Variants in FBF1 observed in about 807,000 individuals in gnomAD.
The protein encoded by FBF1 is Fas binding factor 1, also known as fas-binding factor 1.
A neutral mutation model predicts 147.2 loss-of-function variants in FBF1; 119 were observed. The observed-to-expected ratio is 0.81, with a 90% confidence interval of 0.70 to 0.94. The LOEUF (loss-of-function observed/expected upper bound fraction) is 0.94. FBF1 is among the 40% of genes least tolerant of loss of function. The pLI is 0.00. For missense variants in FBF1, 1,449 were observed against 1,500.8 expected (o/e 0.97, Z 0.57); for synonymous variants, 601 against 609.0 (o/e 0.99, Z 0.19).
chr17:75,918,928 T>G lies in FBF1; in HGVS notation c.2139-659A>C, dbSNP rs1441598715. Among the ~76,000 whole-genome samples the G allele has an allele frequency of 2.6e-5, 4 of 151,758 alleles. No homozygotes were observed. The East Asian group carries it at 5.8e-4, about 22-fold the overall frequency. ...AAGTGTTTTGTTTTTTAAATGTTTT[T>G]AGAGACAGGGTTTTGTTCTGTGGTC... On this transcript the variant is annotated intron_variant, in intron 20 of 29. Coordinates refer to ENST00000636174, the MANE Select transcript of FBF1 (RefSeq NM_001319193.2). This position sits in a 1 kb window ranked among gnomAD's most constrained non-coding sequence, Gnocchi z 5.8.
chr17:75,921,119 G>A lies in FBF1; in HGVS notation c.1674+125C>T, dbSNP rs73997659. The A allele has an allele frequency of 6.4e-4, 634 of 988,516 alleles. 1 individual carries two copies. Among genetic ancestry groups the A allele is most frequent in the Middle Eastern group, 3.8e-3 (18 of 4,696 alleles). The allele number at this position is 988,516 out of a possible 1,614,324, so 61.2% of individuals were successfully genotyped here. On this transcript the variant is annotated intron_variant, in intron 17 of 29. Coordinates refer to ENST00000636174, the MANE Select transcript of FBF1 (RefSeq NM_001319193.2). Reference sequence around the variant, plus strand: ...GGGGGTGCCCGGGGAGCTGGCTGACGTCACATTTGGTATGTTTGACACATT... The same window carrying A: ...GGGGGTGCCCGGGGAGCTGGCTGACATCACATTTGGTATGTTTGACACATT...
chr17:75,913,908 C>A lies in FBF1; in HGVS notation c.3129+5G>T. The A allele has an allele frequency of 6.5e-7, 1 of 1,547,054 alleles. No individual in the cohort carries two copies. The highest frequency in any genetic ancestry group is 2.4e-5 in the East Asian group (1 of 41,366). On this transcript the variant is annotated splice_donor_5th_base_variant and intron_variant, in intron 27 of 29. Coordinates refer to ENST00000636174, the MANE Select transcript of FBF1 (RefSeq NM_001319193.2). The stretch of plus-strand genomic sequence containing the variant: ...CAGGGGCGCCATACACTCAGGGAGC[C>A]TTGCCTGGTGCATGTGCTGCTCCTG...
Position 75,917,756 on chromosome 17 carries a change from A to C in FBF1, c.2481T>G (p.Asn827Lys). The C allele has an allele frequency of 1.2e-6, 2 of 1,606,346 alleles. No individual in the cohort carries two copies. The change falls in exon 23 of 30, where the codon AAT (asparagine) becomes AAG (lysine). Residue 827 changes from asparagine to lysine, a missense_variant. By Grantham distance (94) the Asn-to-Lys change is moderately conservative. Transcript: ENST00000636174. Reference protein sequence around the residue: ...EVIGKMEARLNEQSRLLEQER... With the variant: ...EVIGKMEARLKEQSRLLEQER... ...CCTGCTCCAGCAGCCGGCTCTGCTC[A>C]TTCAGCCGTGCCTCCATCTTCCCGA...
rs757715100 is a variant in FBF1 at position 75,925,326 on chromosome 17, C to A, written c.968+21G>T. On this transcript the variant is annotated intron_variant, in intron 13 of 29. Transcript: ENST00000636174. The surrounding 1 kb of genome is among the most constrained non-coding windows in gnomAD (Gnocchi z 5.0). Reference sequence around the variant, plus strand: ...GGCCGACCTGTCTCAAGAGGCCAAGCCTCCTGCAGGCCCCACTTACCTGAC... The same window carrying A: ...GGCCGACCTGTCTCAAGAGGCCAAGACTCCTGCAGGCCCCACTTACCTGAC... 6.2e-7 allele frequency: 1 copy of A among 1,600,306 alleles called. No homozygotes were observed. The highest frequency in any genetic ancestry group is 8.5e-7 in the Non-Finnish European group (1 of 1,170,818).
chr17:75,938,400 A>G (rs2065638179), intron 1 of FBF1, among the ~76,000 whole-genome samples, 168 bp from the exon 2 acceptor site: 1 of 151,874 alleles, frequency 6.6e-6, no homozygotes, highest in African/African-American at 2.4e-5. Context: ...GTCTCTACTA[A>G]AAACAAAAAT....
chr17:75,914,729 G>A lies in FBF1; in HGVS notation c.2814+18C>T, dbSNP rs1042385027. On this transcript the variant is annotated intron_variant, in intron 25 of 29. Coordinates refer to ENST00000636174, the MANE Select transcript of FBF1 (RefSeq NM_001319193.2). Reference sequence around the variant, plus strand: ...GGCAACCCTGGGCCCTCCACTGTCCGGAGGCTCTGGGCCCTACCTTGGCCA... The same window carrying A: ...GGCAACCCTGGGCCCTCCACTGTCCAGAGGCTCTGGGCCCTACCTTGGCCA... The A allele has an allele frequency of 6.5e-7, 1 of 1,538,026 alleles. No individual in the cohort carries two copies. The highest frequency in any genetic ancestry group is 2.0e-5 in the Admixed American group (1 of 50,146).
At chr17:75,932,078 C>A (rs1356323488) in intron 5 of FBF1, among the ~76,000 whole-genome samples, 1 of 152,138 alleles carries the variant, frequency 6.6e-6, no homozygotes, top group Non-Finnish European at 1.5e-5. Flanking sequence ...TCCCCAGGCT[C>A]CTTCAATAAA....
At chr17:75,929,950 ACCCCACCCAC>A in intron 7 of FBF1, 37 bp downstream of exon 7, 1 of 214,748 alleles carries the variant, frequency 4.7e-6, no homozygotes, top group Non-Finnish European at 9.7e-6. Context: ...TCATGACCCC[ACCCCACCCAC>A]CCCCAGTTCT....
chr17:75,916,021 A>AG (rs1436542563), intron 23 of FBF1, among the ~76,000 whole-genome samples: 1 of 151,366 alleles, frequency 6.6e-6, no homozygotes, highest in East Asian at 1.9e-4. Flanking sequence ...AAAAAAAAAA[A>AG]AAAAAAAAAA....
At chr17:75,921,013 A>G (rs1257099517) in intron 17 of FBF1, among the ~76,000 whole-genome samples, 4 of 152,100 alleles carry the variant, frequency 2.6e-5, no homozygotes, top group Admixed American at 1.3e-4. Flanking sequence ...CTGCCTCCTT[A>G]AACTCCCCAC....
Position 75,915,135 on chromosome 17 carries a change from C to T in FBF1, c.2510G>A (p.Arg837His), listed in dbSNP as rs1338343642. The T allele has an allele frequency of 1.2e-6, 2 of 1,609,088 alleles. No individual in the cohort carries two copies. Among genetic ancestry groups the T allele is most frequent in the Non-Finnish European group, 1.7e-6 (2 of 1,179,376 alleles). The change falls in exon 24 of 30, where the codon CGC becomes CAC. Residue 837 changes from arginine (R) to histidine (H), a missense_variant. Arg to His is a conservative substitution (Grantham distance 29). Coordinates refer to ENST00000636174, the MANE Select transcript of FBF1 (RefSeq NM_001319193.2). ...GGACTGCTCGGCAGTCACCCGCCAG[C>T]GTTCCTGTAGGGCCCAGGGCAGGAC... ...NEQSRLLEQE[R>H]WRVTAEQSKA... is the part of the protein sequence containing the mutation.
At chr17:75,924,139 G>A (rs1452659965) in intron 13 of FBF1, among the ~76,000 whole-genome samples, 1 of 152,012 alleles carries the variant, frequency 6.6e-6, no homozygotes, top group Non-Finnish European at 1.5e-5. Flanking sequence ...GCTTGAACCC[G>A]GGAGGCAGAG....
chr17:75,930,652 C>T (rs1567863286), intron 6 of FBF1, among the ~76,000 whole-genome samples: 5 of 152,082 alleles, frequency 3.3e-5, no homozygotes, highest in South Asian at 2.1e-4. Flanking sequence ...TGGCTGGGCA[C>T]GGTGGGTCAG....
rs1230904585 is a variant in FBF1, at chr17:75,919,385, G to A, written c.2138+283C>T. Among the ~76,000 whole-genome samples, 2 of 152,216 alleles carry A rather than the reference G, an allele frequency of 1.3e-5. No homozygotes were observed. The highest frequency in any genetic ancestry group is 6.5e-5 in the Admixed American group (1 of 15,284). The stretch of plus-strand genomic sequence containing the variant: ...CTACTGCATGAGCAGGCGAGTGGAT[G>A]ACCCTGTGCTTAGTTAGACCCTAGG... On this transcript the variant is annotated intron_variant, in intron 20 of 29. Coordinates refer to ENST00000636174, the MANE Select transcript of FBF1 (RefSeq NM_001319193.2). The surrounding 1 kb of genome is among the most constrained non-coding windows in gnomAD (Gnocchi z 5.0).
Position 75,910,862 on chromosome 17 carries a change from G to A in FBF1, c.3364-56C>T, listed in dbSNP as rs2065453044. On this transcript the variant is annotated intron_variant, in intron 29 of 29. Coordinates refer to ENST00000636174, the MANE Select transcript of FBF1 (RefSeq NM_001319193.2). This position sits in a 1 kb window ranked among gnomAD's most constrained non-coding sequence, Gnocchi z 4.1. ...TTCCCTGAGCTGAGAGGGAGGTGGA[G>A]CCCTGGATGCTAGCTGAGCCAGCCG... 1.4e-6 allele frequency: 2 copies of A among 1,453,106 alleles called. No homozygotes were observed. Among genetic ancestry groups the A allele is most frequent in the African/African-American group, 1.4e-5 (1 of 71,528 alleles). 90.0% of individuals were successfully genotyped at this position (1,453,106 alleles called of 1,614,324 possible).
At chr17:75,917,066 C>T (rs978003794) in intron 23 of FBF1, among the ~76,000 whole-genome samples, 4 of 152,144 alleles carry the variant, frequency 2.6e-5, no homozygotes, top group Admixed American at 1.3e-4. Flanking sequence ...AGGCTGGTCT[C>T]GAACTCCTGA....
At chr17:75,924,731 G>T (rs1598157382) in intron 13 of FBF1, among the ~76,000 whole-genome samples, 1 of 152,090 alleles carries the variant, frequency 6.6e-6, no homozygotes, top group East Asian at 1.9e-4. Flanking sequence ...ACCTGCCTTG[G>T]TCTCCCAAAC....
chr17:75,939,510 T>A (rs1266711899), intron 1 of FBF1, among the ~76,000 whole-genome samples: 1 of 152,084 alleles, frequency 6.6e-6, no homozygotes, highest in Admixed American at 6.6e-5. Flanking sequence ...TAGGCAGCAT[T>A]TAGCACAAAA....
rs1012100762 is a variant in FBF1, at chr17:75,910,265, C to T, written c.*458G>A. On this transcript the variant is annotated 3_prime_UTR_variant, in exon 30 of 30. Transcript: ENST00000636174. The surrounding 1 kb of genome is among the most constrained non-coding windows in gnomAD (Gnocchi z 4.1). ...GAGGCCAGAGGGCCCTTCTCCAGCT[C>T]ATCAGGGAGGGAACTGCTCTGGCAG... is the stretch of plus-strand genomic sequence containing the variant. The T allele has an allele frequency of 4.3e-5, 15 of 346,670 alleles. No homozygotes were observed. The highest frequency in any genetic ancestry group is 3.2e-4 in the African/African-American group (15 of 47,190). The allele number at this position is 346,670 out of a possible 1,614,324, so 21.5% of individuals were successfully genotyped here. A position where few individuals can be genotyped will look rare whatever the true frequency, so the allele number is the denominator to read the frequency against.
Sources: gnomAD v4.1 joint callset for allele counts (sites outside exome capture counted in the v4.1 genomes callset) on GRCh38, gnomAD v4.1.1 for gene constraint, Gnocchi (gnomAD v3.1) non-coding constraint, MANE v1.5 for transcripts, NCBI Gene and HGNC (gene_info 2026-07-23, HGNC 2026-07-21) for gene names.